Variants in PCDHGB4 observed in about 807,000 individuals in gnomAD.
PCDHGB4 encodes protocadherin gamma-B4.
PCDHGB4 carries 38 observed loss-of-function variants against 60.5 expected under a neutral mutation model. The ratio of observed to expected loss-of-function variants is 0.63; its 90% confidence interval spans 0.48 to 0.82. PCDHGB4 has a LOEUF of 0.82. Among genes scored for constraint, PCDHGB4 ranks in the 40% least tolerant of loss-of-function variants. The pLI, the probability that PCDHGB4 is intolerant of heterozygous loss-of-function variation, is 0.00. For synonymous variants in PCDHGB4, 456 were observed against 509.7 expected (o/e 0.89, Z 1.42); for missense variants, 1,109 against 1,209.6 (o/e 0.92, Z 1.23).
chr5:141,489,380 A>T lies in PCDHGB4; in HGVS notation c.2398-5427A>T, dbSNP rs753226956. 1 of 1,613,874 alleles carries T rather than the reference A, an allele frequency of 6.2e-7. No homozygotes were observed. The highest frequency in any genetic ancestry group is 2.2e-5 in the East Asian group (1 of 44,872). On this transcript the variant is annotated intron_variant, in intron 1 of 3. Transcript: ENST00000519479. The surrounding 1 kb of genome is among the most constrained non-coding windows in gnomAD (Gnocchi z 4.5). ...TCTGAGCCGGGGACGCTGGTGGGGA[A>T]TGTTGCTCAGGATCTGGGCTTAAAG... is the stretch of plus-strand genomic sequence containing the variant.
intron 1 of PCDHGB4, chr5:141,412,862 T>A (rs957973834): frequency 7.5e-5 from 18 of 241,156 alleles, no homozygotes; most frequent in African/African-American, 3.4e-4. Context: ...AAAGAATCTA[T>A]GTAAAATATA....
rs770660956 is a variant in PCDHGB4, at chr5:141,388,663, C to T, written c.779C>T (p.Thr260Met). The change falls in exon 1 of 4, where the codon ACG becomes ATG. Residue 260 changes from threonine (T) to methionine (M), a missense_variant. Physicochemically the swap from Thr to Met is moderately conservative, Grantham distance 81 (BLOSUM62 -1). Around this residue, in one of 2 missense-constraint regions of PCDHGB4, gnomAD observed 1,068 missense variants for 1,089.9 expected, o/e 0.98. Transcript: ENST00000519479. ...TCAGAAAACGTGTACCCGGGGACCA[C>T]GGTGCTACAGGTGACTGCCACGGAC... ...SLSENVYPGT[T>M]VLQVTATDQD... is the part of the protein sequence containing the mutation. 6.2e-7 allele frequency: 1 copy of T among 1,613,810 alleles called. No homozygotes were observed. Among genetic ancestry groups the T allele is most frequent in the Non-Finnish European group, 8.5e-7 (1 of 1,179,866 alleles).
At chr5:141,404,816 C>A in intron 1 of PCDHGB4, 1 of 1,610,374 alleles carries the variant, frequency 6.2e-7, no homozygotes, top group Non-Finnish European at 8.5e-7. Flanking sequence ...GGTGGGGCTG[C>A]ACACAGGTGA....
At chr5:141,433,358 C>CTAT (rs2097585632) in intron 1 of PCDHGB4, 108 of 504,044 alleles carry the variant, frequency 2.1e-4, no homozygotes, top group African/African-American at 2.0e-3. Flanking sequence ...CTACTGTCTG[C>CTAT]CTATCTATCT....
chr5:141,422,703 G>GA, intron 1 of PCDHGB4: 1 of 1,603,132 alleles, frequency 6.2e-7, no homozygotes, highest in African/African-American at 1.3e-5. Context: ...CTTACTCTCT[G>GA]ACGGATGACA....
chr5:141,394,347 G>C (rs770737407), intron 1 of PCDHGB4: 1 of 1,614,118 alleles, frequency 6.2e-7, no homozygotes, highest in Non-Finnish European at 8.5e-7. Flanking sequence ...CTCTGACACC[G>C]GTGTCCTGTA....
At chr5:141,481,024 C>CTGGA (rs1200299352) in intron 1 of PCDHGB4, among the ~76,000 whole-genome samples, 3 of 152,122 alleles carry the variant, frequency 2.0e-5, no homozygotes, top group Admixed American at 1.3e-4. Flanking sequence ...CACCACTGCA[C>CTGGA]TCCAGCCTGG....
rs375469126 is a variant in PCDHGB4 at position 141,405,300 on chromosome 5, A to G, written c.2397+15019A>G. 207 of 1,614,206 alleles carry G rather than the reference A, an allele frequency of 1.3e-4. No homozygotes were observed. Among genetic ancestry groups the G allele is most frequent in the Non-Finnish European group, 1.6e-4 (193 of 1,180,010 alleles). On this transcript the variant is annotated intron_variant, in intron 1 of 3. Transcript: ENST00000519479. Reference sequence around the variant, plus strand: ...TATGCAGACACACTCATCAGCCAGCAGAGCTGTGAGAAAAATGAGCCTTTG... The same window carrying G: ...TATGCAGACACACTCATCAGCCAGCGGAGCTGTGAGAAAAATGAGCCTTTG...
At chr5:141,462,302 A>C (rs2099036796) in intron 1 of PCDHGB4, among the ~76,000 whole-genome samples, 1 of 152,222 alleles carries the variant, frequency 6.6e-6, no homozygotes, top group African/African-American at 2.4e-5. Context: ...GTATTACCCA[A>C]ATATATTTGT....
chr5:141,510,633 TACCA>T (rs2099882032), intron 3 of PCDHGB4, among the ~76,000 whole-genome samples: 1 of 152,110 alleles, frequency 6.6e-6, no homozygotes, highest in Admixed American at 6.6e-5. Flanking sequence ...AAGAGGTGGT[TACCA>T]TTATCATCCC....
In PCDHGB4 at chr5:141,388,376, C is replaced by T; in HGVS notation, c.492C>T (p.Ser164=). The change falls in exon 1 of 4, where the codon AGC becomes AGT. Residue 164 remains serine (S), a synonymous_variant. Coordinates refer to ENST00000519479, the MANE Select transcript of PCDHGB4 (RefSeq NM_003736.4). ...LGSAHDADIG[S]NTLQNYQLSP... Reference sequence around the variant, plus strand: ...CTGCCCATGATGCGGATATTGGTAGCAACACACTGCAGAATTACCAACTCA... The same window carrying T: ...CTGCCCATGATGCGGATATTGGTAGTAACACACTGCAGAATTACCAACTCA... 1.9e-6 allele frequency: 3 copies of T among 1,613,944 alleles called. No homozygotes were observed. The highest frequency in any genetic ancestry group is 2.5e-6 in the Non-Finnish European group (3 of 1,179,880).
chr5:141,388,947 A>T lies in PCDHGB4; in HGVS notation c.1063A>T (p.Met355Leu). 1 of 1,614,054 alleles carries T rather than the reference A, an allele frequency of 6.2e-7. No homozygotes were observed. The highest frequency in any genetic ancestry group is 8.5e-7 in the Non-Finnish European group (1 of 1,179,888). ...VIFQSLPNLI[M>L]EDAELGTHIA... ...ATTCCAGTCTCTACCCAACCTAATT[A>T]TGGAGGACGCCGAGCTGGGAACACA... The change falls in exon 1 of 4, where the codon ATG (methionine) becomes TTG (leucine). Residue 355 changes from methionine to leucine, a missense_variant. Coordinates refer to ENST00000519479, the MANE Select transcript of PCDHGB4 (RefSeq NM_003736.4).
At chr5:141,423,029 A>C (rs1049470142) in intron 1 of PCDHGB4, 1 of 1,614,218 alleles carries the variant, frequency 6.2e-7, no homozygotes, top group Non-Finnish European at 8.5e-7. Context: ...GATTCAGGCC[A>C]GAACGCCTGG....
intron 1 of PCDHGB4, chr5:141,412,954 C>A (rs2095592297): frequency 2.1e-6 from 1 of 482,442 alleles, no homozygotes; most frequent in Non-Finnish European, 3.6e-6. Flanking sequence ...CGCCGCTGTT[C>A]ACCTACTAGG....
intron 1 of PCDHGB4, chr5:141,395,337 T>G (rs1265011600): frequency 7.0e-7 from 1 of 1,433,514 alleles, no homozygotes; most frequent in African/African-American, 1.4e-5. Context: ...AAATAATTTT[T>G]AAGGTGTATC....
chr5:141,389,498 A>C lies in PCDHGB4; in HGVS notation c.1614A>C (p.Pro538=). 6.2e-7 allele frequency: 1 copy of C among 1,613,046 alleles called. No homozygotes were observed. Among genetic ancestry groups the C allele is most frequent in the African/African-American group, 1.3e-5 (1 of 75,066 alleles). The part of the protein sequence containing the change: ...LTLQARDQGS[P]ALSANVSLRV... ...TGCAGGCCCGCGACCAGGGCTCGCC[A>C]GCGCTCAGCGCGAACGTGAGCCTGC... Residue 538 remains proline (P), a synonymous_variant, in exon 1 of 4, where the codon CCA becomes CCC. Coordinates refer to ENST00000519479, the MANE Select transcript of PCDHGB4 (RefSeq NM_003736.4).
At chr5:141,479,798 G>A (rs892288776) in intron 1 of PCDHGB4, among the ~76,000 whole-genome samples, 3 of 152,116 alleles carry the variant, frequency 2.0e-5, no homozygotes, top group African/African-American at 7.2e-5. Flanking sequence ...ATTAATTCAG[G>A]GTGGTATGCA....
intron 1 of PCDHGB4, chr5:141,478,359 G>A: frequency 6.2e-7 from 1 of 1,613,734 alleles, no homozygotes; most frequent in Non-Finnish European, 8.5e-7. Flanking sequence ...GACGCCGTGC[G>A]GGGAGGCCTG....
Position 141,476,220 on chromosome 5 carries a change from A to G in PCDHGB4, c.2398-18587A>G, listed in dbSNP as rs770978000. On this transcript the variant is annotated intron_variant, in intron 1 of 3. Coordinates refer to ENST00000519479, the MANE Select transcript of PCDHGB4 (RefSeq NM_003736.4). This position sits in a 1 kb window ranked among gnomAD's most constrained non-coding sequence, Gnocchi z 7.6. Reference sequence around the variant, plus strand: ...AACAAGGCTTCCACGGTCATTCACTATGAGATCCCGGAGGAAAGAGAGAAG... The same window carrying G: ...AACAAGGCTTCCACGGTCATTCACTGTGAGATCCCGGAGGAAAGAGAGAAG... 44 of 1,613,884 alleles carry G rather than the reference A, an allele frequency of 2.7e-5. No individual in the cohort carries two copies. The highest frequency in any genetic ancestry group is 3.4e-5 in the Non-Finnish European group (40 of 1,180,004).
Sources: allele counts gnomAD v4.1 joint callset (sites outside exome capture counted in the v4.1 genomes callset), GRCh38; gene constraint gnomAD v4.1.1; regional missense constraint gnomAD v4.1.1; non-coding constraint Gnocchi (gnomAD v3.1); transcripts MANE v1.5; gene names NCBI Gene and HGNC (gene_info 2026-07-23, HGNC 2026-07-21).